Variants in PROSER1 observed in about 807,000 individuals in gnomAD.
PROSER1 encodes the protein proline and serine rich 1, also known as proline and serine-rich protein 1.
In PROSER1, 36 loss-of-function variants were observed where a neutral mutation model predicts 71.8. The ratio of observed to expected loss-of-function variants is 0.50; its 90% CI spans 0.38 to 0.66. PROSER1 has a LOEUF of 0.66. Ranked by LOEUF, PROSER1 falls within the 30% of genes least tolerant of loss-of-function variation. PROSER1 has a pLI of 0.00. For synonymous variants in PROSER1, 490 were observed against 452.4 expected, an observed-to-expected ratio of 1.08 and a Z score of -1.06; for missense variants, 1,107 against 1,135.0, an observed-to-expected ratio of 0.98 and a Z score of 0.35.
chr13:39,027,085 C>T (rs934321263), intron 5 of PROSER1, among the ~76,000 whole-genome samples: 19 of 145,564 alleles, frequency 1.3e-4, no homozygotes, highest in African/African-American at 4.5e-4. Flanking sequence ...TCCAGCTATA[C>T]ATATGTGTGT....
rs1170333212 is a variant in PROSER1 at position 39,037,313 on chromosome 13, C to G, written c.-71G>C. ...AAAAGACGTTCATCCCTGGTCTGCT[C>G]CGCCGATAGTAAAAAATATTTATAG... On this transcript the variant is annotated 5_prime_UTR_variant, in exon 1 of 13. Coordinates refer to ENST00000352251, the MANE Select transcript of PROSER1 (RefSeq NM_025138.5). 1.8e-6 allele frequency: 2 copies of G among 1,096,176 alleles called. No homozygotes were observed. Among genetic ancestry groups the G allele is most frequent in the East Asian group, 2.4e-5 (1 of 42,542 alleles). 67.9% of individuals were successfully genotyped at this position (1,096,176 alleles called of 1,614,324 possible).
chr13:39,024,881 C>T (rs1870472262), intron 6 of PROSER1, among the ~76,000 whole-genome samples: 1 of 152,116 alleles, frequency 6.6e-6, no homozygotes, highest in Non-Finnish European at 1.5e-5. Context: ...CATGGATGCT[C>T]AAGTCTCTTA....
intron 3 of PROSER1, among the ~76,000 whole-genome samples, chr13:39,031,335 G>A (rs1284311060): frequency 6.6e-6 from 1 of 152,208 alleles, no homozygotes; most frequent in East Asian, 1.9e-4. Context: ...TTTGCTTGCT[G>A]GTGAAGTTTT....
chr13:39,022,691 AT>A (rs1870351694), intron 8 of PROSER1: 1 of 400,844 alleles, frequency 2.5e-6, no homozygotes, highest in Non-Finnish European at 4.5e-6. Flanking sequence ...TACTTACATT[AT>A]TTGTCTTTTC....
At position 39,022,322 on chromosome 13, in the gene PROSER1, T is replaced by C; in HGVS notation, c.730+4A>G. On this transcript the variant is annotated splice_donor_region_variant and intron_variant, in intron 9 of 12. Transcript: ENST00000352251. ...TACTTAAACACCCCCAAATAACATT[T>C]TACCTGTTCCTACAGGATTAGGAGT... 1 of 1,592,070 alleles carries C rather than the reference T, an allele frequency of 6.3e-7. No individual in the cohort carries two copies. The highest frequency in any genetic ancestry group is 8.6e-7 in the Non-Finnish European group (1 of 1,160,026).
Position 39,013,140 on chromosome 13 carries a change from G to A in PROSER1, c.2112C>T (p.Thr704=), listed in dbSNP as rs746534177. The A allele has an allele frequency of 4.5e-5, 72 of 1,613,936 alleles. No homozygotes were observed. The highest frequency in any genetic ancestry group is 6.1e-5 in the Non-Finnish European group (72 of 1,180,004). The stretch of plus-strand genomic sequence containing the variant: ...GGTTGCCAGTTAAAGGAAAATTGTT[G>A]GTCAAAGAAGTAAAAGAAGGAAGAG... ...FTALPSFTSL[T]NNFPLTGNPS... Residue 704 remains threonine, a synonymous_variant, in exon 11 of 13, where the codon ACC becomes ACT. Transcript: ENST00000352251.
At chr13:39,015,809 C>T (rs1869982300) in intron 10 of PROSER1, among the ~76,000 whole-genome samples, 1 of 152,156 alleles carries the variant, frequency 6.6e-6, no homozygotes, top group African/African-American at 2.4e-5. Context: ...TTCAATAAGA[C>T]TAGCTATCAT....
chr13:39,025,542 T>C (rs1034318625), intron 6 of PROSER1, among the ~76,000 whole-genome samples: 2 of 152,192 alleles, frequency 1.3e-5, no homozygotes, highest in Non-Finnish European at 2.9e-5. Flanking sequence ...CATGAGGACA[T>C]TCAAGCAGCA....
At chr13:39,018,473 GACACACACACACACACACACACAC>G (rs56659534) in intron 9 of PROSER1, among the ~76,000 whole-genome samples, 1 of 120,204 alleles carries the variant, frequency 8.3e-6, no homozygotes, top group Admixed American at 8.8e-5. Flanking sequence ...TTTAAAACCC[GACACACACACACACACACACACAC>G]ACACACACAC....
chr13:39,019,123 C>T (rs958020475), intron 9 of PROSER1, among the ~76,000 whole-genome samples: 1 of 151,962 alleles, frequency 6.6e-6, no homozygotes, highest in Non-Finnish European at 1.5e-5. Context: ...GAAACAGTAA[C>T]AAGTCATGAT....
At position 39,013,893 on chromosome 13, in the gene PROSER1, G is replaced by A. The variant is rs758534611; in HGVS notation, c.1359C>T (p.Gly453=). The A allele has an allele frequency of 5.6e-6, 9 of 1,614,176 alleles. No homozygotes were observed. The South Asian group carries it at 6.6e-5, about 12-fold the overall frequency. The change falls in exon 11 of 13, where the codon GGC becomes GGT. Residue 453 remains glycine (G), a synonymous_variant. Transcript: ENST00000352251. The part of the protein sequence containing the change: ...LSNPTPVIAG[G]STPSVAGPLG... ...GTGGACCGGCAACGCTGGGAGTAGAGCCACCAGCAATTACAGGAGTCGGGT... is the reference window on the plus strand; with the variant it reads ...GTGGACCGGCAACGCTGGGAGTAGAACCACCAGCAATTACAGGAGTCGGGT...
Position 39,013,979 on chromosome 13 carries a change from A to T in PROSER1, c.1273T>A (p.Leu425Met). The T allele has an allele frequency of 6.2e-7, 1 of 1,614,148 alleles. No individual in the cohort carries two copies. The highest frequency in any genetic ancestry group is 8.5e-7 in the Non-Finnish European group (1 of 1,180,006). The change falls in exon 11 of 13, where the codon TTG becomes ATG. Residue 425 changes from leucine (L) to methionine (M), a missense_variant. Coordinates refer to ENST00000352251, the MANE Select transcript of PROSER1 (RefSeq NM_025138.5). ...ASTSNPNSAS[L>M]SSVFAGLPLP... ...GGGAGCCCTGCAAAAACTGATGACA[A>T]TGAAGCAGAATTTGGGTTGCTGGTA...
At chr13:39,028,139 CAA>C in intron 5 of PROSER1, 86 bp downstream of exon 5, 1 of 690,724 alleles carries the variant, frequency 1.4e-6, no homozygotes, top group South Asian at 1.7e-5. Context: ...AGTTATTCAC[CAA>C]AGTTAGTAAG....
At chr13:39,018,655 G>GAAT (rs1223741789) in intron 9 of PROSER1, among the ~76,000 whole-genome samples, 9 of 151,706 alleles carry the variant, frequency 5.9e-5, no homozygotes, top group African/African-American at 1.9e-4. Context: ...ATATCACTTA[G>GAAT]AATGCCAAAA....
At position 39,024,465 on chromosome 13, in the gene PROSER1, A is replaced by G; in HGVS notation, c.564+8T>C. ...GTTTGGGCTTGTTTCATCATTTTCT[A>G]AACATACTGGTTTGGATGGCCCAAG... On this transcript the variant is annotated splice_region_variant and intron_variant, in intron 7 of 12. Coordinates refer to ENST00000352251, the MANE Select transcript of PROSER1 (RefSeq NM_025138.5). The G allele has an allele frequency of 6.3e-7, 1 of 1,597,614 alleles. No homozygotes were observed. The highest frequency in any genetic ancestry group is 8.6e-7 in the Non-Finnish European group (1 of 1,167,224).
chr13:39,014,451 G>C lies in PROSER1; in HGVS notation c.801C>G (p.Leu267=), dbSNP rs202081124. 3 of 1,609,630 alleles carry C rather than the reference G, an allele frequency of 1.9e-6. No homozygotes were observed. The highest frequency in any genetic ancestry group is 1.1e-5 in the South Asian group (1 of 90,940). Residue 267 remains leucine (L), a synonymous_variant, in exon 11 of 13, where the codon CTC becomes CTG. Transcript: ENST00000352251. The part of the protein sequence containing the change: ...NQTFSTPASQ[L]FSPHGSNPST... ...AAGGATTAGAACCATGAGGAGAAAA[G>C]AGTTGACTTGCTGGGGTGGAAAATG...
At chr13:39,035,552 A>G (rs17059035) in intron 1 of PROSER1, among the ~76,000 whole-genome samples, 1 of 152,328 alleles carries the variant, frequency 6.6e-6, no homozygotes, top group South Asian at 2.1e-4. Flanking sequence ...ACAGGCTCAC[A>G]AAGTAAGTGC....
Position 39,011,254 on chromosome 13 carries a change from C to T in PROSER1, c.*111G>A. The T allele has an allele frequency of 3.7e-6, 4 of 1,077,556 alleles. No individual in the cohort carries two copies. In the South Asian group the frequency reaches 4.5e-5, roughly 12 times the overall value. The allele number at this position is 1,077,556 out of a possible 1,614,324, so 66.7% of individuals were successfully genotyped here. A position where few individuals can be genotyped will look rare whatever the true frequency, so the allele number is the denominator to read the frequency against. ...TGTTGTCACAATTTCTCCAGGATTACCCTCATTCTCATTTTCCGACTTTTG... is the reference window on the plus strand; with the variant it reads ...TGTTGTCACAATTTCTCCAGGATTATCCTCATTCTCATTTTCCGACTTTTG... On this transcript the variant is annotated 3_prime_UTR_variant, in exon 13 of 13. Coordinates refer to ENST00000352251, the MANE Select transcript of PROSER1 (RefSeq NM_025138.5).
Position 39,012,822 on chromosome 13 carries a change from C to T in PROSER1, c.2430G>A (p.Gln810=). 6.2e-7 allele frequency: 1 copy of T among 1,614,176 alleles called. No individual in the cohort carries two copies. The highest frequency in any genetic ancestry group is 8.5e-7 in the Non-Finnish European group (1 of 1,180,034). ...TPALPSFPGL[Q]APSTVAAVTP... ...TGACAGCTGCGACTGTAGAGGGCGCCTGCAGCCCCGGGAATGAGGGAAGAG... is the reference window on the plus strand; with the variant it reads ...TGACAGCTGCGACTGTAGAGGGCGCTTGCAGCCCCGGGAATGAGGGAAGAG... The change falls in exon 11 of 13, where the codon CAG becomes CAA. Residue 810 remains glutamine, a synonymous_variant. Transcript: ENST00000352251.
Sources: allele counts gnomAD v4.1 joint callset (sites outside exome capture counted in the v4.1 genomes callset), GRCh38; gene constraint gnomAD v4.1.1; transcripts MANE v1.5; gene names NCBI Gene and HGNC (gene_info 2026-07-23, HGNC 2026-07-21).